Variants in EEA1 observed in about 807,000 individuals in gnomAD.
The protein encoded by EEA1 is early endosome antigen 1.
A neutral mutation model predicts 209.2 loss-of-function variants in EEA1; 111 were observed. The observed-to-expected ratio is 0.53, with a 90% CI of 0.45 to 0.62. The LOEUF (loss-of-function observed/expected upper bound fraction) is 0.62, where lower values mean the gene tolerates loss of function less well. Among genes scored for constraint, EEA1 ranks in the 20% least tolerant of loss-of-function variants. The pLI, the probability that EEA1 is intolerant of heterozygous loss-of-function variation, is 0.00. For synonymous variants in EEA1, 536 were observed against 540.6 expected (o/e 0.99, Z 0.12); for missense variants, 1,343 against 1,530.8 (o/e 0.88, Z 2.05).
At chr12:92,923,610 C>T (rs1881096694) in intron 1 of EEA1, among the ~76,000 whole-genome samples, 1 of 152,092 alleles carries the variant, frequency 6.6e-6, no homozygotes, top group Non-Finnish European at 1.5e-5. Context: ...TCCCCTACCA[C>T]ACCCCCTCTC....
chr12:92,885,588 C>G (rs1002977726), intron 2 of EEA1, among the ~76,000 whole-genome samples: 2 of 152,166 alleles, frequency 1.3e-5, no homozygotes, highest in African/African-American at 2.4e-5. Flanking sequence ...GAATTTCAAG[C>G]TCAGAACTTA....
chr12:92,832,730 A>C lies in EEA1; in HGVS notation c.1036T>G (p.Cys346Gly). ...QATLHQKDLD[C>G]QQLQSRLSAS... ...GACAATCTTGACTGAAGCTGTTGAC[A>C]ATCTAGGTCTTTTTGATGAAGGGTT... The change falls in exon 11 of 29, where the codon TGT becomes GGT. Residue 346 changes from cysteine to glycine, a missense_variant. By Grantham distance (159) the Cys-to-Gly change is radical. Around this residue, in one of 3 missense-constraint regions of EEA1, gnomAD observed 1,307 missense variants for 1,465.5 expected, o/e 0.89. Coordinates refer to ENST00000322349, the MANE Select transcript of EEA1 (RefSeq NM_003566.4). 1 of 1,614,020 alleles carries C rather than the reference A, an allele frequency of 6.2e-7. No individual in the cohort carries two copies. Among genetic ancestry groups the C allele is most frequent in the Non-Finnish European group, 8.5e-7 (1 of 1,179,978 alleles).
chr12:92,926,552 A>G (rs1238343842), intron 1 of EEA1, among the ~76,000 whole-genome samples: 1 of 152,214 alleles, frequency 6.6e-6, no homozygotes, highest in African/African-American at 2.4e-5. Flanking sequence ...AAATGTCCCT[A>G]TTAAATACTC....
intron 27 of EEA1, 108 bp downstream of exon 27, chr12:92,777,435 T>C: frequency 8.2e-7 from 1 of 1,223,956 alleles, no homozygotes; most frequent in Non-Finnish European, 1.1e-6. Flanking sequence ...AGAGTAGCTA[T>C]TTGAAAGTAT....
intron 9 of EEA1, among the ~76,000 whole-genome samples, chr12:92,843,252 C>T (rs772736314): frequency 2.0e-5 from 3 of 152,020 alleles, no homozygotes; most frequent in Admixed American, 6.6e-5. Flanking sequence ...TGAGCCTCCC[C>T]GCTTCAAGCA....
chr12:92,914,899 G>C (rs1880711934), intron 1 of EEA1, among the ~76,000 whole-genome samples: 1 of 152,016 alleles, frequency 6.6e-6, no homozygotes, highest in Admixed American at 6.6e-5. Flanking sequence ...CTTGACCTCA[G>C]GTGATCCACC....
intron 13 of EEA1, among the ~76,000 whole-genome samples, chr12:92,822,529 A>G (rs1238494049): frequency 6.6e-6 from 1 of 151,312 alleles, no homozygotes; most frequent in African/African-American, 2.4e-5. Context: ...GAAGGTGCTG[A>G]TTACCCCCAA....
At chr12:92,901,862 C>T (rs376873998) in intron 1 of EEA1, among the ~76,000 whole-genome samples, 1 of 152,248 alleles carries the variant, frequency 6.6e-6, no homozygotes, top group East Asian at 1.9e-4. Context: ...AGCCACCGCA[C>T]CCAGCCTTCA....
At chr12:92,912,832 CG>C (rs906747451) in intron 1 of EEA1, among the ~76,000 whole-genome samples, 1 of 152,176 alleles carries the variant, frequency 6.6e-6, no homozygotes, top group African/African-American at 2.4e-5. Flanking sequence ...CTTAGGATAA[CG>C]GCCTCCAGTT....
At chr12:92,928,891 C>T (rs1329546401) in intron 1 of EEA1, 152 bp downstream of exon 1, 2 of 604,862 alleles carry the variant, frequency 3.3e-6, no homozygotes, top group Non-Finnish European at 4.9e-6. Context: ...CCCTCCCCGC[C>T]CCCGGGCCGG....
In EEA1 at chr12:92,827,929, A is replaced by C; in HGVS notation, c.1387T>G (p.Ser463Ala). The C allele has an allele frequency of 1.3e-6, 2 of 1,568,158 alleles. No individual in the cohort carries two copies. The highest frequency in any genetic ancestry group is 1.7e-6 in the Non-Finnish European group (2 of 1,160,956). The change falls in exon 12 of 29, where the codon TCT (serine) becomes GCT (alanine). Residue 463 changes from serine (S) to alanine (A), a missense_variant. Ser to Ala is a moderately conservative substitution (Grantham distance 99). This residue lies in a region of EEA1 where 1,307 missense variants were observed against 1,465.5 expected (regional missense o/e 0.89). Coordinates refer to ENST00000322349, the MANE Select transcript of EEA1 (RefSeq NM_003566.4). Reference protein sequence around the residue: ...QQVADLQLKLSRLEEQLKEKV... With the variant: ...QQVADLQLKLARLEEQLKEKV... Reference sequence around the variant, plus strand: ...TAGCTTACCTGCTCTTCTAACCGAGAAAGTTTGAGTTGTAAATCAGCCACT... The same window carrying C: ...TAGCTTACCTGCTCTTCTAACCGAGCAAGTTTGAGTTGTAAATCAGCCACT...
chr12:92,834,914 C>G (rs1876843417), intron 10 of EEA1, among the ~76,000 whole-genome samples: 1 of 151,574 alleles, frequency 6.6e-6, no homozygotes, highest in South Asian at 2.1e-4. Context: ...CAGTCTCACT[C>G]TGTCGCCCAG....
At chr12:92,799,309 A>C (rs1874794802) in intron 20 of EEA1, among the ~76,000 whole-genome samples, 1 of 152,160 alleles carries the variant, frequency 6.6e-6, no homozygotes, top group Non-Finnish European at 1.5e-5. Context: ...TTCATAACCA[A>C]CACTATTCAC....
intron 10 of EEA1, among the ~76,000 whole-genome samples, chr12:92,836,823 C>T (rs1876947685): frequency 6.6e-6 from 1 of 151,908 alleles, no homozygotes. Context: ...CAACACTTAA[C>T]AATTAAAAAC....
chr12:92,923,949 C>T (rs915719806), intron 1 of EEA1, among the ~76,000 whole-genome samples: 20 of 150,994 alleles, frequency 1.3e-4, no homozygotes, highest in African/African-American at 4.6e-4. Flanking sequence ...ACTGAAACAC[C>T]ATTTTAAAAA....
At chr12:92,830,051 A>G (rs1876554216) in intron 11 of EEA1, among the ~76,000 whole-genome samples, 1 of 152,060 alleles carries the variant, frequency 6.6e-6, no homozygotes, top group African/African-American at 2.4e-5. Context: ...CCTGTTGGGT[A>G]CAATGGTTAC....
chr12:92,801,482 TAA>T, intron 20 of EEA1, 116 bp downstream of exon 20: 1 of 615,552 alleles, frequency 1.6e-6, no homozygotes, highest in Non-Finnish European at 2.5e-6. Flanking sequence ...CTTAAAACTA[TAA>T]AAAAAAATTA....
chr12:92,908,714 T>A (rs1309169693), intron 1 of EEA1, among the ~76,000 whole-genome samples: 1 of 152,088 alleles, frequency 6.6e-6, no homozygotes, highest in Non-Finnish European at 1.5e-5. Flanking sequence ...AAAAAACATT[T>A]GCTAATGTTA....
chr12:92,856,492 TTTTAGTTTTTTAAAAACTTAACATTG>T lies in EEA1; in HGVS notation c.366+757_366+782del, dbSNP rs1359601822. On this transcript the variant is annotated intron_variant, in intron 5 of 28. Transcript: ENST00000322349. ...GTGCATGTATGTACAAATACACATT[TTTTAGTTTTTTAAAAACTTAACATTG>T]TTAATAGAACAGGTTTCCCAGTTTT... is the stretch of plus-strand genomic sequence containing the variant. Among the ~76,000 whole-genome samples the T allele has an allele frequency of 2.6e-5, 4 of 152,262 alleles. No individual in the cohort carries two copies. The East Asian group carries it at 7.7e-4, about 29-fold the overall frequency.
Sources: gnomAD v4.1 joint callset for allele counts (sites outside exome capture counted in the v4.1 genomes callset) on GRCh38, gnomAD v4.1.1 for gene constraint, gnomAD v4.1.1 regional missense constraint, MANE v1.5 for transcripts, NCBI Gene and HGNC (gene_info 2026-07-23, HGNC 2026-07-21) for gene names.